DCC: variants seen among roughly 807,000 people sequenced by gnomAD.
DCC encodes the protein netrin receptor DCC.
Under a neutral mutation model 172.5 loss-of-function variants are expected in DCC, and 58 were observed. The ratio of observed to expected loss-of-function variants is 0.34; its 90% CI spans 0.27 to 0.42. DCC has a LOEUF of 0.42. Among genes scored for constraint, DCC ranks in the 10% least tolerant of loss-of-function variants. The pLI is 1.00. For missense variants in DCC, 1,740 were observed against 1,791.0 expected, an observed-to-expected ratio of 0.97 and a Z score of 0.51; for synonymous variants, 709 against 644.5, an observed-to-expected ratio of 1.10 and a Z score of -1.52.
intron 12 of DCC, among the ~76,000 whole-genome samples, chr18:53,281,209 A>C (rs1157350361): frequency 6.6e-6 from 1 of 152,166 alleles, no homozygotes; most frequent in Non-Finnish European, 1.5e-5. Context: ...AAACAGTATT[A>C]TTTGCCATCA....
At chr18:53,423,559 TTC>T (rs1252850737) in intron 21 of DCC, among the ~76,000 whole-genome samples, 5 of 152,204 alleles carry the variant, frequency 3.3e-5, no homozygotes, top group East Asian at 1.9e-4. Flanking sequence ...TAGCTGTGCT[TTC>T]TCTCTTTCTC....
chr18:52,497,547 C>T (rs889399680), intron 1 of DCC, among the ~76,000 whole-genome samples: 1 of 151,754 alleles, frequency 6.6e-6, no homozygotes, highest in Non-Finnish European at 1.5e-5. Context: ...TTGCCAACAC[C>T]TAAACTGGAG....
intron 5 of DCC, among the ~76,000 whole-genome samples, chr18:52,968,388 C>G (rs1277633172): frequency 6.6e-6 from 1 of 152,090 alleles, no homozygotes; most frequent in Non-Finnish European, 1.5e-5. Context: ...GACATACAGA[C>G]AGGAAAGAGG....
At chr18:52,921,737 G>A (rs4940224) in intron 3 of DCC, among the ~76,000 whole-genome samples, 134,788 of 149,894 alleles carry the variant, frequency 0.9, 61,028 homozygotes, top group Middle Eastern at 0.97. Context: ...ATATATAAAT[G>A]AAAGGAAAAA....
At chr18:52,789,304 A>G (rs1219951143) in intron 2 of DCC, among the ~76,000 whole-genome samples, 1 of 152,066 alleles carries the variant, frequency 6.6e-6, no homozygotes, top group African/African-American at 2.4e-5. Context: ...TTTTTTCCCA[A>G]GGAGTTCCAG....
intron 5 of DCC, among the ~76,000 whole-genome samples, chr18:53,001,998 A>G (rs1490754997): frequency 6.6e-6 from 1 of 152,102 alleles, no homozygotes; most frequent in African/African-American, 2.4e-5. Flanking sequence ...TGGTTCTGTA[A>G]CTCAAATAGA....
At position 53,252,838 on chromosome 18, in the gene DCC, A is replaced by G. The variant is rs181030090; in HGVS notation, c.1911+37241A>G. 2.9e-3 allele frequency among the ~76,000 whole-genome samples: 448 copies of G among 152,148 alleles called. 4 individuals are homozygous for G. The highest frequency in any genetic ancestry group is 0.022 in the Admixed American group (334 of 15,238). ...GAAAAAAATGTTTATTTTCAAAACA[A>G]TTTATGGAGATAGTTTGCATTTGTA... On this transcript the variant is annotated intron_variant, in intron 12 of 28. Coordinates refer to ENST00000442544, the MANE Select transcript of DCC (RefSeq NM_005215.4).
chr18:52,526,736 A>C (rs375015516), intron 1 of DCC, among the ~76,000 whole-genome samples: 2 of 152,170 alleles, frequency 1.3e-5, no homozygotes, highest in African/African-American at 4.8e-5. Flanking sequence ...ACAGAAGGAC[A>C]TGGGCTTTTA....
intron 2 of DCC, among the ~76,000 whole-genome samples, chr18:52,830,447 G>T (rs2038593168): frequency 6.6e-6 from 1 of 152,124 alleles, no homozygotes; most frequent in South Asian, 2.1e-4. Flanking sequence ...TGAGGAAATG[G>T]ATGTCTTACT....
chr18:52,646,488 G>T (rs1486984565), intron 1 of DCC, among the ~76,000 whole-genome samples: 3 of 152,112 alleles, frequency 2.0e-5, no homozygotes, highest in Non-Finnish European at 4.4e-5. Context: ...CCACAAGACT[G>T]CCTGTTACTT....
chr18:53,502,535 AGCT>A (rs534252796), intron 27 of DCC, among the ~76,000 whole-genome samples: 1,336 of 152,330 alleles, frequency 8.8e-3, no homozygotes, highest in African/African-American at 0.031. Flanking sequence ...AAATACTTAG[AGCT>A]TTCAACAAGT....
chr18:53,233,266 C>CT (rs2144620016), intron 12 of DCC, among the ~76,000 whole-genome samples: 1 of 152,298 alleles, frequency 6.6e-6, no homozygotes, highest in East Asian at 1.9e-4. Context: ...TCCAATTCAC[C>CT]TGTAGTGTCC....
intron 1 of DCC, among the ~76,000 whole-genome samples, chr18:52,458,606 A>T (rs1240925318): frequency 6.6e-6 from 1 of 152,120 alleles, no homozygotes; most frequent in Non-Finnish European, 1.5e-5. Flanking sequence ...CTTTTGACCC[A>T]AATTTGCCTA....
intron 2 of DCC, among the ~76,000 whole-genome samples, chr18:52,799,148 G>T (rs1335940180): frequency 6.6e-6 from 1 of 152,178 alleles, no homozygotes; most frequent in African/African-American, 2.4e-5. Context: ...TATTTCTAAA[G>T]ATTTTCTTCT....
chr18:52,813,124 A>G (rs534682239), intron 2 of DCC, among the ~76,000 whole-genome samples: 12 of 152,092 alleles, frequency 7.9e-5, no homozygotes, highest in Non-Finnish European at 1.8e-4. Context: ...AATAAAGTTG[A>G]ACTTAATGAT....
chr18:53,226,948 A>ATATATATATATTTTTTTTTTT, intron 12 of DCC, among the ~76,000 whole-genome samples: 9 of 52,950 alleles, frequency 1.7e-4, no homozygotes, highest in African/African-American at 7.5e-4. Flanking sequence ...ATATATATAT[A>ATATATATATATTTTTTTTTTT]TTTTTTTTTT....
At chr18:52,940,415 C>T (rs2040443320) in intron 5 of DCC, among the ~76,000 whole-genome samples, 1 of 152,024 alleles carries the variant, frequency 6.6e-6, no homozygotes, top group Non-Finnish European at 1.5e-5. Context: ...CCCTTGTGTA[C>T]ATAAGATTAG....
At chr18:52,463,616 A>G (rs1988696765) in intron 1 of DCC, among the ~76,000 whole-genome samples, 1 of 152,230 alleles carries the variant, frequency 6.6e-6, no homozygotes, top group African/African-American at 2.4e-5. Context: ...GACCCTGGTC[A>G]TTCAAACTCA....
intron 1 of DCC, among the ~76,000 whole-genome samples, chr18:52,447,211 C>T (rs1031470863): frequency 6.6e-6 from 1 of 152,130 alleles, no homozygotes; most frequent in South Asian, 2.1e-4. Flanking sequence ...CCGTCTTAGT[C>T]GATAATACTC....
Sources: allele counts gnomAD v4.1 joint callset (sites outside exome capture counted in the v4.1 genomes callset), GRCh38; gene constraint gnomAD v4.1.1; transcripts MANE v1.5; gene names NCBI Gene and HGNC (gene_info 2026-07-23, HGNC 2026-07-21).